The following UNKL variants were observed in gnomAD, a reference collection of about 807,000 sequenced individuals.
The protein encoded by UNKL is unk like zinc finger.
A neutral mutation model predicts 78.0 loss-of-function variants in UNKL; 60 were observed. That is an observed-to-expected ratio of 0.77 (90% confidence interval 0.63 to 0.95). The LOEUF is 0.95. UNKL is among the 40% of genes least tolerant of loss of function. UNKL has a pLI of 0.00. For synonymous variants in UNKL, 608 were observed against 474.8 expected (o/e 1.28, Z -3.65); for missense variants, 1,159 against 1,045.7 (o/e 1.11, Z -1.49).
At chr16:1,375,957 G>A (rs1169992643) in intron 10 of UNKL, among the ~76,000 whole-genome samples, 1 of 152,232 alleles carries the variant, frequency 6.6e-6, no homozygotes, top group East Asian at 1.9e-4. Context: ...AAGTCGTGCT[G>A]AGCAGCAGAG....
chr16:1,393,547 T>C (rs746143388), intron 7 of UNKL, among the ~76,000 whole-genome samples: 32 of 152,238 alleles, frequency 2.1e-4, no homozygotes, highest in Non-Finnish European at 3.4e-4. Flanking sequence ...TGGGGCTTGT[T>C]TCTGCTGCTG....
chr16:1,400,890 T>C (rs1215043095), intron 4 of UNKL, among the ~76,000 whole-genome samples: 1 of 152,190 alleles, frequency 6.6e-6, no homozygotes, highest in Non-Finnish European at 1.5e-5. Context: ...GGTTTCACCA[T>C]GTTGGCCAGG....
chr16:1,390,265 T>C (rs1180103131), intron 9 of UNKL, among the ~76,000 whole-genome samples: 2 of 152,148 alleles, frequency 1.3e-5, no homozygotes, highest in East Asian at 3.9e-4. Flanking sequence ...AGATTACAGG[T>C]GTGAGCCACC....
chr16:1,395,530 G>A (rs2037222730), intron 6 of UNKL: 2 of 345,350 alleles, frequency 5.8e-6, no homozygotes, highest in Non-Finnish European at 5.9e-6. Flanking sequence ...TGTGAACACA[G>A]CCTCCCTGTA....
Position 1,398,875 on chromosome 16 carries a change from G to A in UNKL, c.734+499C>T, listed in dbSNP as rs769579605. 3.8e-6 allele frequency: 6 copies of A among 1,575,412 alleles called. No homozygotes were observed. In the Admixed American group the frequency reaches 1.1e-4, roughly 29 times the overall value. Reference sequence around the variant, plus strand: ...TGGAGGAAGGTCCTGTGTGCACCCTGGGCAGGGCGACCCTTGGGTTGTTGG... The same window carrying A: ...TGGAGGAAGGTCCTGTGTGCACCCTAGGCAGGGCGACCCTTGGGTTGTTGG... On this transcript the variant is annotated intron_variant, in intron 5 of 14. Coordinates refer to ENST00000389221, the MANE Select transcript of UNKL (RefSeq NM_001372107.1).
At chr16:1,391,615 G>T (rs1003028654) in intron 8 of UNKL, among the ~76,000 whole-genome samples, 1 of 151,626 alleles carries the variant, frequency 6.6e-6, no homozygotes, top group Non-Finnish European at 1.5e-5. Flanking sequence ...GCCAAATCTC[G>T]AAGGTCTCAT....
rs1280682771 is a variant in UNKL at position 1,413,827 on chromosome 16, C to G, written c.287+19G>C. 6.6e-7 allele frequency: 1 copy of G among 1,506,706 alleles called. No individual in the cohort carries two copies. 93.3% of individuals were successfully genotyped at this position (1,506,706 alleles called of 1,614,324 possible). On this transcript the variant is annotated intron_variant, in intron 2 of 14. Coordinates refer to ENST00000389221, the MANE Select transcript of UNKL (RefSeq NM_001372107.1). Reference sequence around the variant, plus strand: ...CCCCACCTCCGCCCAGGCAGCGGCGCCCCCTCGCGGCCGCTTACTCGTCGC... The same window carrying G: ...CCCCACCTCCGCCCAGGCAGCGGCGGCCCCTCGCGGCCGCTTACTCGTCGC...
chr16:1,400,774 A>AC (rs1026682067), intron 4 of UNKL, among the ~76,000 whole-genome samples: 5 of 151,218 alleles, frequency 3.3e-5, no homozygotes, highest in African/African-American at 1.2e-4. Context: ...TGCAACCTTC[A>AC]CCCCCCGAGT....
At chr16:1,398,513 C>T (rs1284081444) in intron 5 of UNKL, 3 of 1,286,966 alleles carry the variant, frequency 2.3e-6, no homozygotes, top group Admixed American at 3.8e-5. Flanking sequence ...AGGAGTGGGG[C>T]GTCCTTCCCA....
At chr16:1,398,884 G>GC (rs762730584) in intron 5 of UNKL, 2 of 1,574,748 alleles carry the variant, frequency 1.3e-6, no homozygotes, top group Non-Finnish European at 1.7e-6. Flanking sequence ...TGGGCAGGGC[G>GC]ACCCTTGGGT....
At chr16:1,383,874 C>G (rs1350166645) in intron 10 of UNKL, 5 of 401,774 alleles carry the variant, frequency 1.2e-5, no homozygotes. Context: ...CCATGCCCAG[C>G]TCCCCCGCCA....
At chr16:1,407,914 T>C (rs1003497212) in intron 2 of UNKL, among the ~76,000 whole-genome samples, 1 of 151,606 alleles carries the variant, frequency 6.6e-6, no homozygotes, top group African/African-American at 2.4e-5. Context: ...CCAATGAAAA[T>C]GGGCCTAGAG....
intron 3 of UNKL, among the ~76,000 whole-genome samples, chr16:1,402,669 CAAAA>C (rs926554057): frequency 1.4e-5 from 2 of 142,184 alleles, no homozygotes; most frequent in Non-Finnish European, 3.1e-5. Context: ...TCTCAAAAAA[CAAAA>C]AAAGAAAAGA....
At position 1,400,782 on chromosome 16, in the gene UNKL, A is replaced by T. The variant is rs551070881; in HGVS notation, c.598+786T>A. 2.5e-4 allele frequency among the ~76,000 whole-genome samples: 38 copies of T among 151,710 alleles called. 1 individual carries two copies. In the South Asian group the frequency reaches 7.1e-3, roughly 28 times the overall value. On this transcript the variant is annotated intron_variant, in intron 4 of 14. Transcript: ENST00000389221. ...GGCTCACTGCAACCTTCACCCCCCGAGTTCAAGAGATTCTCCAGCCTCAGC... is the reference window on the plus strand; with the variant it reads ...GGCTCACTGCAACCTTCACCCCCCGTGTTCAAGAGATTCTCCAGCCTCAGC...
At position 1,366,258 on chromosome 16, in the gene UNKL, G is replaced by C. The variant is rs200904991; in HGVS notation, c.2184C>G (p.Gly728=). ...ATAPECPYCK[G]QPLQW Reference sequence around the variant, plus strand: ...GCTGAGGTCACCACTGCAGGGGCTGGCCCTTGCAGTAGGGGCACTCAGGTG... The same window carrying C: ...GCTGAGGTCACCACTGCAGGGGCTGCCCCTTGCAGTAGGGGCACTCAGGTG... The change falls in exon 15 of 15, where the codon GGC becomes GGG. Residue 728 remains glycine (G), a synonymous_variant. Coordinates refer to ENST00000389221, the MANE Select transcript of UNKL (RefSeq NM_001372107.1). 5.6e-5 allele frequency: 88 copies of C among 1,582,062 alleles called. No homozygotes were observed. The East Asian group carries it at 1.3e-3, about 24-fold the overall frequency.
chr16:1,410,350 G>A (rs369774937), intron 2 of UNKL, among the ~76,000 whole-genome samples: 3 of 152,254 alleles, frequency 2.0e-5, no homozygotes. Flanking sequence ...GCCCATGCCT[G>A]TAATCCCAGC....
intron 12 of UNKL, 49 bp from the exon 13 acceptor site, chr16:1,367,907 CTGGTGGGAT>C: frequency 6.7e-7 from 1 of 1,490,684 alleles, no homozygotes; most frequent in Non-Finnish European, 9.0e-7. Flanking sequence ...TGCTCGCGGC[CTGGTGGGAT>C]TGGTGGGTGC....
chr16:1,376,180 G>A (rs1358899130), intron 10 of UNKL, among the ~76,000 whole-genome samples: 3 of 138,774 alleles, frequency 2.2e-5, no homozygotes, highest in African/African-American at 5.5e-5. Context: ...CCAAGGCTGG[G>A]GCATGCTCCT....
chr16:1,376,251 GCTC>G (rs2036214516), intron 10 of UNKL, among the ~76,000 whole-genome samples: 1 of 136,294 alleles, frequency 7.3e-6, no homozygotes, highest in Non-Finnish European at 1.6e-5. Context: ...GGGCTGGGGC[GCTC>G]CTCCTCCCTC....
Sources: gnomAD v4.1 joint callset for allele counts (sites outside exome capture counted in the v4.1 genomes callset) on GRCh38, gnomAD v4.1.1 for gene constraint, MANE v1.5 for transcripts, NCBI Gene and HGNC (gene_info 2026-07-23, HGNC 2026-07-21) for gene names.